ZFYVE28: variants seen among roughly 807,000 people sequenced by gnomAD.
ZFYVE28 encodes zinc finger FYVE-type containing 28.
In ZFYVE28, 40 loss-of-function variants were observed where a neutral mutation model predicts 82.1. That is an observed-to-expected ratio of 0.49 (90% CI 0.38 to 0.63). The LOEUF (loss-of-function observed/expected upper bound fraction) is 0.63. Among genes scored for constraint, ZFYVE28 ranks in the 30% least tolerant of loss-of-function variants. ZFYVE28 has a pLI of 0.00. For missense variants in ZFYVE28, 1,321 were observed against 1,242.1 expected (o/e 1.06, Z -0.96); for synonymous variants, 612 against 546.1 (o/e 1.12, Z -1.68).
At chr4:2,290,277 C>G (rs1247207626) in intron 8 of ZFYVE28, among the ~76,000 whole-genome samples, 3 of 152,220 alleles carry the variant, frequency 2.0e-5, no homozygotes, top group African/African-American at 7.2e-5. Flanking sequence ...GACCACAAGC[C>G]TGCCTGCCTT....
rs988072268 is a variant in ZFYVE28, at chr4:2,409,755, A to G, written c.39+8530T>C. ...AGGAGGTCGGTTTGAGAAATTTGTC[A>G]GAACTACCCAACCACGATCAATCCC... On this transcript the variant is annotated intron_variant, in intron 1 of 12. Coordinates refer to ENST00000290974, the MANE Select transcript of ZFYVE28 (RefSeq NM_020972.3). The surrounding 1 kb of genome is among the most constrained non-coding windows in gnomAD (Gnocchi z 4.4). Among the ~76,000 whole-genome samples, 2 of 152,264 alleles carry G rather than the reference A, an allele frequency of 1.3e-5. No individual in the cohort carries two copies. Among genetic ancestry groups the G allele is most frequent in the South Asian group, 4.1e-4 (2 of 4,832 alleles).
At chr4:2,365,553 C>T (rs1726786226) in intron 1 of ZFYVE28, among the ~76,000 whole-genome samples, 1 of 152,136 alleles carries the variant, frequency 6.6e-6, no homozygotes, top group South Asian at 2.1e-4. Flanking sequence ...CAGGTCCACT[C>T]CCAAATCTCC....
chr4:2,275,549 C>A (rs1736344735), intron 8 of ZFYVE28, among the ~76,000 whole-genome samples: 1 of 152,222 alleles, frequency 6.6e-6, no homozygotes, highest in South Asian at 2.1e-4. Context: ...CACTGGCATC[C>A]TGCACGGCCT....
At position 2,386,272 on chromosome 4, in the gene ZFYVE28, G is replaced by A. The variant is rs542578800; in HGVS notation, c.39+32013C>T. Reference sequence around the variant, plus strand: ...GGCCAAGGCGGGTGGATCACCTGAGGTCAGGAGTTCAACACCAGCCTGGCC... The same window carrying A: ...GGCCAAGGCGGGTGGATCACCTGAGATCAGGAGTTCAACACCAGCCTGGCC... On this transcript the variant is annotated intron_variant, in intron 1 of 12. Transcript: ENST00000290974. 2.6e-5 allele frequency among the ~76,000 whole-genome samples: 4 copies of A among 152,308 alleles called. No individual in the cohort carries two copies. In the South Asian group the frequency reaches 8.3e-4, roughly 32 times the overall value.
At chr4:2,355,245 TA>T in intron 1 of ZFYVE28, among the ~76,000 whole-genome samples, 1 of 39,334 alleles carries the variant, frequency 2.5e-5, no homozygotes, top group Admixed American at 2.7e-4. Flanking sequence ...TATATATATA[TA>T]TATATATATA....
chr4:2,284,704 C>CAA (rs1712467505), intron 8 of ZFYVE28, among the ~76,000 whole-genome samples: 1 of 152,148 alleles, frequency 6.6e-6, no homozygotes, highest in Non-Finnish European at 1.5e-5. Flanking sequence ...GGGGCTGAGT[C>CAA]TGCAATGCAC....
At chr4:2,333,320 CA>C (rs1442602060) in intron 6 of ZFYVE28, among the ~76,000 whole-genome samples, 1 of 147,828 alleles carries the variant, frequency 6.8e-6, no homozygotes. Flanking sequence ...CCTGATCCCC[CA>C]GCCCCCGCCT....
At chr4:2,314,813 C>G (rs561717047) in intron 7 of ZFYVE28, among the ~76,000 whole-genome samples, 21 of 152,340 alleles carry the variant, frequency 1.4e-4, no homozygotes, top group Admixed American at 1.2e-3. Context: ...CAGGGCCTCA[C>G]TGTCATCCAA....
intron 9 of ZFYVE28, among the ~76,000 whole-genome samples, chr4:2,273,640 C>A (rs1203556281): frequency 6.6e-6 from 1 of 152,092 alleles, no homozygotes; most frequent in East Asian, 1.9e-4. Context: ...ACTGTGCCCA[C>A]CCCCAGGCCA....
chr4:2,305,518 C>T lies in ZFYVE28; in HGVS notation c.822G>A (p.Leu274=). The T allele has an allele frequency of 1.2e-6, 2 of 1,612,988 alleles. No homozygotes were observed. Among genetic ancestry groups the T allele is most frequent in the Non-Finnish European group, 1.7e-6 (2 of 1,180,028 alleles). The change falls in exon 8 of 13, where the codon CTG becomes CTA. Residue 274 remains leucine (L), a synonymous_variant. Transcript: ENST00000290974. ...LRKIRDLLQT[L]TEEELHTLER... is the part of the protein sequence containing the mutation. ...CCAGCGTGTGCAGCTCCTCCTCCGT[C>T]AGCGTCTGCAGCAAATCCCTACGAA...
At chr4:2,299,337 G>A (rs1173729356) in intron 8 of ZFYVE28, among the ~76,000 whole-genome samples, 5 of 152,024 alleles carry the variant, frequency 3.3e-5, no homozygotes, top group East Asian at 3.9e-4. Context: ...AAGTGTTGGC[G>A]AGGGATGGCA....
At position 2,273,205 on chromosome 4, in the gene ZFYVE28, G is replaced by T; in HGVS notation, c.2291C>A (p.Pro764His). 1 of 1,613,954 alleles carries T rather than the reference G, an allele frequency of 6.2e-7. No individual in the cohort carries two copies. Among genetic ancestry groups the T allele is most frequent in the East Asian group, 2.2e-5 (1 of 44,886 alleles). ...TAACTTTTCCTTGTCGTCTGTTTCA[G>T]GCTTGGTGGCCATGACCTCAAACAG... ...KTLFEVMATK[P>H]ETDDKEKLRK... Residue 764 changes from proline (P) to histidine (H), a missense_variant, in exon 10 of 13, where the codon CCT (proline) becomes CAT (histidine). Around this residue, in one of 2 missense-constraint regions of ZFYVE28, gnomAD observed 978 missense variants for 833.7 expected, o/e 1.17. Coordinates refer to ENST00000290974, the MANE Select transcript of ZFYVE28 (RefSeq NM_020972.3).
intron 1 of ZFYVE28, among the ~76,000 whole-genome samples, chr4:2,397,471 C>A (rs78826016): frequency 3.6e-3 from 352 of 97,854 alleles, no homozygotes; most frequent in South Asian, 4.4e-3. Flanking sequence ...GACTCGGTCT[C>A]AAAAAAAAAA....
chr4:2,354,036 G>T lies in ZFYVE28; in HGVS notation c.77C>A (p.Ala26Asp). The change falls in exon 2 of 13, where the codon GCC becomes GAC. Residue 26 changes from alanine (A) to aspartate (D), a missense_variant. Around this residue, in one of 2 missense-constraint regions of ZFYVE28, gnomAD observed 343 missense variants for 408.4 expected, o/e 0.84. Transcript: ENST00000290974. The stretch of plus-strand genomic sequence containing the variant: ...GGCCACCTGGTTCAGCTCCTCGTCG[G>T]CATAGTAGAACCGGGCAAGCAGCTG... ...DPQLLARFYY[A>D]DEELNQVAAE... 6.3e-7 allele frequency: 1 copy of T among 1,577,920 alleles called. No homozygotes were observed. The highest frequency in any genetic ancestry group is 8.6e-7 in the Non-Finnish European group (1 of 1,162,112).
At chr4:2,366,197 A>G (rs1161560762) in intron 1 of ZFYVE28, among the ~76,000 whole-genome samples, 6 of 152,240 alleles carry the variant, frequency 3.9e-5, no homozygotes, top group Non-Finnish European at 8.8e-5. Context: ...CGTGAACTCT[A>G]CACGCACCAA....
Position 2,341,502 on chromosome 4 carries a change from G to A in ZFYVE28, c.294C>T (p.Ala98=), listed in dbSNP as rs201769802. ...FPEEIRHDNL[A]GQLWFGAECL... ...CCTCGGCACCGAACCACAGCTGGCC[G>A]GCCAGGTTGTCGTGCCGGATCTCCT... The change falls in exon 3 of 13, where the codon GCC becomes GCT. Residue 98 remains alanine, a synonymous_variant. Transcript: ENST00000290974. The surrounding 1 kb of genome is among the most constrained non-coding windows in gnomAD (Gnocchi z 4.5). 131 of 1,613,652 alleles carry A rather than the reference G, an allele frequency of 8.1e-5. No individual in the cohort carries two copies. The highest frequency in any genetic ancestry group is 1.8e-4 in the Admixed American group (11 of 60,018).
intron 1 of ZFYVE28, among the ~76,000 whole-genome samples, chr4:2,370,389 C>G (rs1033290707): frequency 1.3e-5 from 2 of 152,188 alleles, no homozygotes; most frequent in African/African-American, 4.8e-5. Context: ...GTCAGCAGAG[C>G]TGGCCGAGCT....
chr4:2,387,486 G>A (rs180821802), intron 1 of ZFYVE28, among the ~76,000 whole-genome samples: 1 of 152,338 alleles, frequency 6.6e-6, no homozygotes, highest in East Asian at 1.9e-4. Flanking sequence ...TGTCAGGGAT[G>A]TGCCGCCCCA....
chr4:2,366,360 C>G (rs1348771891), intron 1 of ZFYVE28, among the ~76,000 whole-genome samples: 2 of 152,256 alleles, frequency 1.3e-5, no homozygotes, highest in East Asian at 3.8e-4. Flanking sequence ...GCCCAGGCCT[C>G]TGCAGTTTCC....
Sources: allele counts gnomAD v4.1 joint callset (sites outside exome capture counted in the v4.1 genomes callset), GRCh38; gene constraint gnomAD v4.1.1; regional missense constraint gnomAD v4.1.1; non-coding constraint Gnocchi (gnomAD v3.1); transcripts MANE v1.5; gene names NCBI Gene and HGNC (gene_info 2026-07-23, HGNC 2026-07-21).